Variants in KAZN observed in about 807,000 individuals in gnomAD.
The protein encoded by KAZN is kazrin, periplakin interacting protein.
In KAZN, 40 loss-of-function variants were observed where a neutral mutation model predicts 87.4. The ratio of observed to expected loss-of-function variants is 0.46; its 90% CI spans 0.36 to 0.60. The LOEUF is 0.60. Ranked by LOEUF, KAZN falls within the 20% of genes least tolerant of loss-of-function variation. KAZN has a pLI of 0.00. For missense variants in KAZN, 898 were observed against 1,073.9 expected, an observed-to-expected ratio of 0.84 and a Z score of 2.29; for synonymous variants, 466 against 458.3, an observed-to-expected ratio of 1.02 and a Z score of -0.22.
intron 5 of KAZN, among the ~76,000 whole-genome samples, chr1:15,057,015 A>C (rs1206791532): frequency 1.3e-5 from 2 of 152,382 alleles, no homozygotes; most frequent in South Asian, 2.1e-4. Flanking sequence ...AGAGCTGGTC[A>C]CTGTGAAGGC....
intron 1 of KAZN, among the ~76,000 whole-genome samples, chr1:14,859,296 T>C (rs1650559604): frequency 6.6e-6 from 1 of 152,186 alleles, no homozygotes; most frequent in South Asian, 2.1e-4. Context: ...TAGTCTATTT[T>C]GTCCTCCAAC....
At chr1:14,639,743 A>G (rs1412623716) in intron 1 of KAZN, among the ~76,000 whole-genome samples, 2 of 152,108 alleles carry the variant, frequency 1.3e-5, no homozygotes, top group Non-Finnish European at 2.9e-5. Context: ...CAGTTGATCA[A>G]TCCTCGTGGC....
At chr1:14,853,535 G>T (rs1422917420) in intron 1 of KAZN, among the ~76,000 whole-genome samples, 2 of 152,136 alleles carry the variant, frequency 1.3e-5, no homozygotes, top group Non-Finnish European at 2.9e-5. Context: ...GTAGGAGGGG[G>T]ATTTGAACCC....
intron 2 of KAZN, among the ~76,000 whole-genome samples, chr1:14,191,771 C>T (rs1452384311): frequency 6.6e-6 from 1 of 152,076 alleles, no homozygotes; most frequent in African/African-American, 2.4e-5. Context: ...TAACAGTAGC[C>T]AGGAGAAACC....
chr1:14,712,501 G>A (rs900052876), intron 1 of KAZN, among the ~76,000 whole-genome samples: 1 of 152,174 alleles, frequency 6.6e-6, no homozygotes, highest in Non-Finnish European at 1.5e-5. Context: ...AAAAGCAGGA[G>A]TGCTAACCCT....
intron 2 of KAZN, among the ~76,000 whole-genome samples, chr1:14,309,999 G>A (rs919413609): frequency 3.9e-5 from 6 of 152,158 alleles, no homozygotes; most frequent in Non-Finnish European, 8.8e-5. Flanking sequence ...GAAGCAGCAG[G>A]AAGAGATAAT....
At chr1:14,187,846 T>C (rs1646340708) in intron 2 of KAZN, among the ~76,000 whole-genome samples, 1 of 152,210 alleles carries the variant, frequency 6.6e-6, no homozygotes, top group African/African-American at 2.4e-5. Context: ...GGAATTCTTT[T>C]ATTTCAAGCC....
chr1:14,638,340 G>A (rs954330497), intron 1 of KAZN, among the ~76,000 whole-genome samples: 12 of 152,054 alleles, frequency 7.9e-5, no homozygotes, highest in African/African-American at 1.2e-4. Context: ...AGGCCGAGGC[G>A]GGCGGATCAC....
At chr1:14,041,289 A>G (rs1285690464) in intron 1 of KAZN, among the ~76,000 whole-genome samples, 1 of 152,104 alleles carries the variant, frequency 6.6e-6, no homozygotes, top group African/African-American at 2.4e-5. Flanking sequence ...TGTAATTACT[A>G]TTGTTTCCAT....
intron 3 of KAZN, among the ~76,000 whole-genome samples, chr1:15,037,294 C>G (rs1363599258): frequency 6.6e-6 from 1 of 152,232 alleles, no homozygotes; most frequent in Non-Finnish European, 1.5e-5. Flanking sequence ...CGTGCTGGCC[C>G]TGGGGCAGAA....
chr1:14,276,997 C>A (rs1284783529), intron 2 of KAZN, among the ~76,000 whole-genome samples: 1 of 152,150 alleles, frequency 6.6e-6, no homozygotes, highest in Admixed American at 6.5e-5. Context: ...ATACAATTGT[C>A]CTTTGTCTGG....
intron 1 of KAZN, among the ~76,000 whole-genome samples, chr1:14,684,614 T>A (rs1467364756): frequency 6.6e-6 from 1 of 152,186 alleles, no homozygotes; most frequent in South Asian, 2.1e-4. Context: ...AGGAGAGATG[T>A]TTCTTCGCTC....
intron 2 of KAZN, among the ~76,000 whole-genome samples, chr1:14,569,242 A>G (rs1674712183): frequency 6.6e-6 from 1 of 152,044 alleles, no homozygotes; most frequent in South Asian, 2.1e-4. Context: ...AAGTCCTGCC[A>G]TACAAAAATG....
At chr1:14,351,611 T>C (rs561871239) in intron 2 of KAZN, among the ~76,000 whole-genome samples, 1 of 152,146 alleles carries the variant, frequency 6.6e-6, no homozygotes, top group African/African-American at 2.4e-5. Flanking sequence ...TTGGTCATTA[T>C]AAACAAAGGC....
At chr1:14,460,656 TC>T (rs1307385668) in intron 2 of KAZN, among the ~76,000 whole-genome samples, 3 of 152,092 alleles carry the variant, frequency 2.0e-5, no homozygotes, top group Non-Finnish European at 4.4e-5. Flanking sequence ...TACCCCATCA[TC>T]CCCACACATC....
chr1:14,131,413 G>A (rs371801017), intron 1 of KAZN, among the ~76,000 whole-genome samples: 55 of 152,270 alleles, frequency 3.6e-4, no homozygotes, highest in African/African-American at 1.2e-3. Context: ...AATCCGATAC[G>A]TTAGAGTTGA....
intron 2 of KAZN, among the ~76,000 whole-genome samples, chr1:14,206,936 C>T (rs761160291): frequency 8.5e-4 from 128 of 150,640 alleles, no homozygotes; most frequent in Non-Finnish European, 1.8e-3. Context: ...TGCATTTCTA[C>T]ATCCTTTCTT....
At chr1:14,759,642 CT>C (rs1644678216) in intron 1 of KAZN, among the ~76,000 whole-genome samples, 1 of 152,110 alleles carries the variant, frequency 6.6e-6, no homozygotes, top group Non-Finnish European at 1.5e-5. Flanking sequence ...CATCAGACGG[CT>C]TTAATATTTC....
chr1:14,827,941 G>C (rs914818224), intron 1 of KAZN, among the ~76,000 whole-genome samples: 1 of 152,186 alleles, frequency 6.6e-6, no homozygotes, highest in Non-Finnish European at 1.5e-5. Flanking sequence ...ATAAAAGTTG[G>C]CTGTGGCCCT....
Sources: allele counts gnomAD v4.1 joint callset (sites outside exome capture counted in the v4.1 genomes callset), GRCh38; gene constraint gnomAD v4.1.1; transcripts MANE v1.5; gene names NCBI Gene and HGNC (gene_info 2026-07-23, HGNC 2026-07-21).